Variants in SPRY3 observed in about 807,000 individuals in gnomAD.
SPRY3 encodes protein sprouty homolog 3.
SPRY3 carries 15 observed loss-of-function variants against 20.2 expected under a neutral mutation model. That is an observed-to-expected ratio of 0.74 (90% CI 0.50 to 1.14). The LOEUF (loss-of-function observed/expected upper bound fraction) is 1.14, where lower values mean the gene tolerates loss of function less well. Ranked by LOEUF, SPRY3 falls within the 50% of genes most tolerant of loss-of-function variation. The probability of loss-of-function intolerance (pLI) is 0.00; values close to 1 mark genes in which losing one functional copy is unlikely to be tolerated. For missense variants in SPRY3, 364 were observed against 363.9 expected (o/e 1.00, Z 0.00); for synonymous variants, 143 against 136.5 (o/e 1.05, Z -0.33).
chrX:155,727,642 G>T (rs2091107492), intron 2 of SPRY3, among the ~76,000 whole-genome samples: 1 of 151,952 alleles, frequency 6.6e-6, no homozygotes. Context: ...ATGGTTTTCA[G>T]CTCCATCAGG....
At chrX:155,712,367 C>G (rs2090992833) in intron 2 of SPRY3, among the ~76,000 whole-genome samples, 1 of 151,836 alleles carries the variant, frequency 6.6e-6, no homozygotes, top group Admixed American at 6.6e-5. Flanking sequence ...TATCTGGGTG[C>G]CCCAATATCA....
chrX:155,737,845 T>C (rs1194442532), intron 2 of SPRY3, among the ~76,000 whole-genome samples: 2 of 152,086 alleles, frequency 1.3e-5, no homozygotes, highest in Non-Finnish European at 2.9e-5. Flanking sequence ...ACAATATGAA[T>C]TGTACTTTAG....
intron 2 of SPRY3, among the ~76,000 whole-genome samples, chrX:155,660,768 A>G (rs2068007246): frequency 9.3e-6 from 1 of 107,665 alleles, no homozygotes; most frequent in Admixed American, 9.9e-5. Context: ...TATCATATAT[A>G]TACTGACCTT....
chrX:155,730,194 A>G (rs1293462339), intron 2 of SPRY3, among the ~76,000 whole-genome samples: 2 of 152,148 alleles, frequency 1.3e-5, no homozygotes, highest in African/African-American at 4.8e-5. Flanking sequence ...TCTATGAGCC[A>G]TATTGCTCTG....
chrX:155,730,666 A>G (rs1270129160), intron 2 of SPRY3, among the ~76,000 whole-genome samples: 1 of 152,162 alleles, frequency 6.6e-6, no homozygotes, highest in African/African-American at 2.4e-5. Context: ...AGCTAGAGCA[A>G]TCAGACAAGA....
At chrX:155,670,849 A>G (rs1167283443) in intron 2 of SPRY3, among the ~76,000 whole-genome samples, 3 of 111,831 alleles carry the variant, frequency 2.7e-5, no homozygotes, top group Non-Finnish European at 5.7e-5. Context: ...TTTTATTGCA[A>G]TGTTCTTCCC....
chrX:155,773,607 GAAGT>G (rs2091397999), intron 3 of SPRY3, among the ~76,000 whole-genome samples, 155 bp from the exon 3 acceptor site: 1 of 152,028 alleles, frequency 6.6e-6, no homozygotes, highest in South Asian at 2.1e-4. Flanking sequence ...TGCCTATAAA[GAAGT>G]AAGTGAGGTT....
At chrX:155,712,684 T>C (rs1440379949) in intron 2 of SPRY3, among the ~76,000 whole-genome samples, 1 of 152,054 alleles carries the variant, frequency 6.6e-6, no homozygotes, top group Non-Finnish European at 1.5e-5. Context: ...ACATTCAATG[T>C]CCTTATTAAT....
chrX:155,749,221 C>G (rs1367545681), intron 2 of SPRY3, among the ~76,000 whole-genome samples: 1 of 151,890 alleles, frequency 6.6e-6, no homozygotes, highest in Admixed American at 6.6e-5. Flanking sequence ...TGAGTGGTAA[C>G]TATGTGTTGG....
exon 4 of SPRY3, chrX:155,776,441 CT>C (rs1238070335): frequency 6.0e-6 from 1 of 167,060 alleles, no homozygotes; most frequent in African/African-American, 2.4e-5. Context: ...ATGTAGAGAA[CT>C]GACTTCTCTC....
intron 2 of SPRY3, among the ~76,000 whole-genome samples, chrX:155,697,157 G>A (rs2068121468): frequency 1.8e-5 from 2 of 111,127 alleles, no homozygotes; most frequent in African/African-American, 6.5e-5. Flanking sequence ...AGGGTGTTTC[G>A]ACATGAGGTT....
intron 2 of SPRY3, among the ~76,000 whole-genome samples, chrX:155,767,531 G>C (rs2091340802): frequency 1.3e-5 from 2 of 151,618 alleles, no homozygotes; most frequent in South Asian, 2.1e-4. Context: ...GGAGACCAAG[G>C]TGGAGGCGGA....
chrX:155,614,052 T>G (rs1557348637), intron 1 of SPRY3, among the ~76,000 whole-genome samples: 1 of 111,105 alleles, frequency 9.0e-6, no homozygotes, highest in Non-Finnish European at 1.9e-5. Context: ...ATATCCAGAG[T>G]GTGAATGTAA....
At position 155,653,109 on chromosome X, in the gene SPRY3, G is replaced by T. The variant is rs7888655; in HGVS notation, c.-440-3758G>T. 6.9e-3 allele frequency among the ~76,000 whole-genome samples: 771 copies of T among 110,982 alleles called. 6 individuals carry two copies. The highest frequency in any genetic ancestry group is 0.024 in the African/African-American group (733 of 30,512). ...GTTGTAGGAGTTACTCATATATTCT[G>T]AACACTAGATCCTTATCTAGTTATC... On this transcript the variant is annotated intron_variant, in intron 1 of 3. Coordinates refer to ENST00000675360, the Ensembl canonical transcript of SPRY3.
intron 1 of SPRY3, among the ~76,000 whole-genome samples, chrX:155,629,021 T>C (rs2067897341): frequency 9.0e-6 from 1 of 111,309 alleles, no homozygotes; most frequent in Non-Finnish European, 1.9e-5. Flanking sequence ...TTATTGTTTC[T>C]TTTTTGTTAT....
chrX:155,665,107 A>G (rs1454828377), intron 2 of SPRY3, among the ~76,000 whole-genome samples: 1 of 110,192 alleles, frequency 9.1e-6, no homozygotes, highest in Non-Finnish European at 1.9e-5. Context: ...AGCAGTTACT[A>G]GAGGAAGGAT....
intron 2 of SPRY3, among the ~76,000 whole-genome samples, chrX:155,719,346 A>G (rs1417304756): frequency 6.6e-6 from 1 of 152,110 alleles, no homozygotes; most frequent in Non-Finnish European, 1.5e-5. Flanking sequence ...ACAGTGGGCT[A>G]TAGTGCTCTG....
intron 2 of SPRY3, among the ~76,000 whole-genome samples, chrX:155,693,840 T>C (rs776952670): frequency 4.7e-4 from 53 of 112,646 alleles, no homozygotes; most frequent in Non-Finnish European, 8.5e-4. Flanking sequence ...TCTTGCTATG[T>C]TGCTCAGGCA....
intron 2 of SPRY3, among the ~76,000 whole-genome samples, chrX:155,705,549 C>A (rs1334868113): frequency 4.0e-5 from 6 of 151,200 alleles, no homozygotes; most frequent in Admixed American, 6.6e-5. Flanking sequence ...TCTGAAGACA[C>A]CAATTTAAAG....
Sources: allele counts gnomAD v4.1 joint callset (sites outside exome capture counted in the v4.1 genomes callset), GRCh38; gene constraint gnomAD v4.1.1; transcripts MANE v1.5; gene names NCBI Gene and HGNC (gene_info 2026-07-23, HGNC 2026-07-21).